DHX15: variants seen among roughly 807,000 people sequenced by gnomAD.
DHX15 encodes the protein DEAH-box helicase 15.
A neutral mutation model predicts 94.4 loss-of-function variants in DHX15; 11 were observed. The ratio of observed to expected loss-of-function variants is 0.12; its 90% CI spans 0.07 to 0.19. The LOEUF (loss-of-function observed/expected upper bound fraction) is 0.19, where lower values mean the gene tolerates loss of function less well. Ranked by LOEUF, DHX15 falls within the 10% of genes least tolerant of loss-of-function variation. The pLI is 1.00. For missense variants in DHX15, 304 were observed against 988.5 expected (o/e 0.31, Z 9.29); for synonymous variants, 338 against 329.9 (o/e 1.02, Z -0.27).
chr4:24,539,267 C>A (rs940140334), intron 10 of DHX15: 5 of 152,062 alleles, frequency 3.3e-5, no homozygotes, highest in Non-Finnish European at 7.4e-5. Context: ...GTTCAATAAA[C>A]CACTCAGCAA....
intron 5 of DHX15, among the ~76,000 whole-genome samples, chr4:24,552,689 T>G (rs755295478): frequency 1.1e-4 from 17 of 152,212 alleles, no homozygotes; most frequent in South Asian, 2.1e-4. Context: ...AAATGAAATG[T>G]AAACAAAACG....
At position 24,564,734 on chromosome 4, in the gene DHX15, A is replaced by C. The variant is rs532003287; in HGVS notation, c.701+5920T>G. ...AACATGAGCAACACTAACTTACTGT[A>C]ATCACAATAGCACTACATATAGCAA... On this transcript the variant is annotated intron_variant, in intron 3 of 13. Transcript: ENST00000336812. 5.1e-4 allele frequency among the ~76,000 whole-genome samples: 77 copies of C among 152,320 alleles called. 3 individuals are homozygous for C. The South Asian group carries it at 0.015, about 29-fold the overall frequency.
chr4:24,529,887 CT>C, intron 12 of DHX15, 117 bp from the exon 13 acceptor site: 1 of 1,040,008 alleles, frequency 9.6e-7, no homozygotes, highest in Non-Finnish European at 1.5e-6. Flanking sequence ...TATGGCTATA[CT>C]TATTTATCAC....
At chr4:24,563,416 GC>G (rs1262266431) in intron 3 of DHX15, 3 of 152,218 alleles carry the variant, frequency 2.0e-5, no homozygotes, top group Admixed American at 1.3e-4. Flanking sequence ...TCCTTCCTCA[GC>G]CTCCCAAAGT....
chr4:24,532,265 T>C (rs1402192167), intron 12 of DHX15, among the ~76,000 whole-genome samples: 1 of 152,260 alleles, frequency 6.6e-6, no homozygotes, highest in Admixed American at 6.5e-5. Flanking sequence ...TTCATCTTTA[T>C]TGCTACTCAA....
intron 2 of DHX15, among the ~76,000 whole-genome samples, chr4:24,573,553 C>G (rs1385654097): frequency 6.6e-6 from 1 of 152,084 alleles, no homozygotes. Context: ...TTCACAGAAT[C>G]GAAACTTTTG....
Position 24,529,597 on chromosome 4 carries a change from T to C in DHX15, c.2270+4A>G. On this transcript the variant is annotated splice_donor_region_variant and intron_variant, in intron 13 of 13. Transcript: ENST00000336812. Reference sequence around the variant, plus strand: ...AAAACTGTTAGAACAAAAGGTGTACTTACCATTCTGGCTTGATATCTGTAC... The same window carrying C: ...AAAACTGTTAGAACAAAAGGTGTACCTACCATTCTGGCTTGATATCTGTAC... 1.2e-6 allele frequency: 2 copies of C among 1,613,800 alleles called. No homozygotes were observed. The highest frequency in any genetic ancestry group is 1.1e-5 in the South Asian group (1 of 91,036).
intron 3 of DHX15, among the ~76,000 whole-genome samples, chr4:24,560,939 T>C (rs1437994224): frequency 3.3e-5 from 5 of 152,184 alleles, no homozygotes; most frequent in African/African-American, 1.2e-4. Context: ...TAATGCTGAG[T>C]TGGCAAGGGT....
chr4:24,532,582 CA>C (rs1171111314), intron 12 of DHX15, among the ~76,000 whole-genome samples: 1 of 152,142 alleles, frequency 6.6e-6, no homozygotes, highest in Non-Finnish European at 1.5e-5. Flanking sequence ...CCAAAGTTTC[CA>C]TTTTGTATAA....
intron 1 of DHX15, among the ~76,000 whole-genome samples, chr4:24,579,683 G>C (rs1023392047): frequency 6.6e-6 from 1 of 152,224 alleles, no homozygotes; most frequent in Non-Finnish European, 1.5e-5. Flanking sequence ...GTAGAGTATA[G>C]ATAGGATTAA....
chr4:24,545,988 AACTC>A (rs905012957), intron 6 of DHX15, among the ~76,000 whole-genome samples: 18 of 152,228 alleles, frequency 1.2e-4, no homozygotes, highest in Admixed American at 7.8e-4. Flanking sequence ...CTTCTAATAG[AACTC>A]ACTTTTTTTC....
chr4:24,558,813 A>T lies in DHX15; in HGVS notation c.702-2403T>A, dbSNP rs550218195. 9.2e-5 allele frequency among the ~76,000 whole-genome samples: 14 copies of T among 152,286 alleles called. No individual in the cohort carries two copies. The East Asian group carries it at 2.5e-3, about 27-fold the overall frequency. ...CTTCTTTTCCAGTGAAGAAAACGAA[A>T]AAAACCGTAGTCAACTTTTCCAGAC... On this transcript the variant is annotated intron_variant, in intron 3 of 13. Coordinates refer to ENST00000336812, the MANE Select transcript of DHX15 (RefSeq NM_001358.3).
At chr4:24,542,878 T>C in intron 7 of DHX15, 62 bp downstream of exon 7, 1 of 1,193,544 alleles carries the variant, frequency 8.4e-7, no homozygotes, top group South Asian at 1.4e-5. Flanking sequence ...AGCCATTAAA[T>C]GAATTGGTTG....
chr4:24,531,487 A>C (rs370215991), intron 12 of DHX15, among the ~76,000 whole-genome samples: 1 of 152,092 alleles, frequency 6.6e-6, no homozygotes, highest in South Asian at 2.1e-4. Context: ...TCGAGGTAGG[A>C]GGATCATTTG....
intron 3 of DHX15, among the ~76,000 whole-genome samples, chr4:24,564,065 T>TA (rs1721943829): frequency 4.5e-5 from 1 of 22,458 alleles, no homozygotes; most frequent in African/African-American, 1.8e-4. Context: ...AGACTCCGTC[T>TA]CAAAAAAAAA....
chr4:24,537,286 G>T lies in DHX15; in HGVS notation c.1787-113C>A. 7.1e-7 allele frequency: 1 copy of T among 1,410,424 alleles called. No homozygotes were observed. The highest frequency in any genetic ancestry group is 9.6e-7 in the Non-Finnish European group (1 of 1,044,412). The allele number at this position is 1,410,424 out of a possible 1,614,324, so 87.4% of individuals were successfully genotyped here. On this transcript the variant is annotated intron_variant, in intron 10 of 13. Coordinates refer to ENST00000336812, the MANE Select transcript of DHX15 (RefSeq NM_001358.3). The surrounding 1 kb of genome is among the most constrained non-coding windows in gnomAD (Gnocchi z 4.7). ...AGTTCACAGAGCATAGGGCAGGGCA[G>T]GATGGCCTCCAACTGCATCTTGGAT...
intron 10 of DHX15, 115 bp downstream of exon 10, chr4:24,539,993 T>C: frequency 1.4e-6 from 1 of 728,134 alleles, no homozygotes; most frequent in South Asian, 3.1e-5. Flanking sequence ...AATTAATTCC[T>C]TAAAACCATC....
intron 10 of DHX15, chr4:24,538,779 T>C (rs1721247814): frequency 6.6e-6 from 1 of 152,030 alleles, no homozygotes. Flanking sequence ...AGTTGGAAGA[T>C]TACAACTACA....
chr4:24,571,770 G>A (rs765478114), intron 2 of DHX15, among the ~76,000 whole-genome samples: 3 of 152,178 alleles, frequency 2.0e-5, no homozygotes, highest in Non-Finnish European at 4.4e-5. Flanking sequence ...AATATTGGTG[G>A]CTGCACTATT....
Sources: gnomAD v4.1 joint callset for allele counts (sites outside exome capture counted in the v4.1 genomes callset) on GRCh38, gnomAD v4.1.1 for gene constraint, Gnocchi (gnomAD v3.1) non-coding constraint, MANE v1.5 for transcripts, NCBI Gene and HGNC (gene_info 2026-07-23, HGNC 2026-07-21) for gene names.